NRXN1: variants seen among roughly 807,000 people sequenced by gnomAD.
NRXN1 encodes the protein neurexin-1.
NRXN1 carries 39 observed loss-of-function variants against 150.9 expected under a neutral mutation model. That is an observed-to-expected ratio of 0.26 (90% confidence interval 0.20 to 0.34). The LOEUF (loss-of-function observed/expected upper bound fraction) is 0.34. Among genes scored for constraint, NRXN1 ranks in the 10% least tolerant of loss-of-function variants. NRXN1 has a pLI of 1.00. For missense variants in NRXN1, 1,815 were observed against 1,949.9 expected, an observed-to-expected ratio of 0.93 and a Z score of 1.30; for synonymous variants, 924 against 757.0, an observed-to-expected ratio of 1.22 and a Z score of -3.62.
intron 5 of NRXN1, among the ~76,000 whole-genome samples, chr2:50,883,690 C>T (rs905870140): frequency 1.8e-4 from 27 of 151,660 alleles, no homozygotes; most frequent in African/African-American, 4.8e-4. Context: ...TTTGTATTTA[C>T]AAGTATGATT....
chr2:50,914,114 A>T (rs1357572303), intron 5 of NRXN1, among the ~76,000 whole-genome samples: 1 of 151,600 alleles, frequency 6.6e-6, no homozygotes, highest in Non-Finnish European at 1.5e-5. Flanking sequence ...AAGATTTCCT[A>T]CCATTGTAGT....
At chr2:50,995,453 A>G (rs1699127745) in intron 2 of NRXN1, among the ~76,000 whole-genome samples, 1 of 151,906 alleles carries the variant, frequency 6.6e-6, no homozygotes, top group Admixed American at 6.6e-5. Context: ...ACAAATACAA[A>G]AATTATCCTG....
At chr2:50,269,642 G>T (rs1450624568) in intron 17 of NRXN1, among the ~76,000 whole-genome samples, 1 of 152,082 alleles carries the variant, frequency 6.6e-6, no homozygotes, top group Non-Finnish European at 1.5e-5. Context: ...TTTTTAAAAA[G>T]AAAGACACTA....
At chr2:49,999,106 A>G (rs947721752) in intron 21 of NRXN1, among the ~76,000 whole-genome samples, 4 of 152,172 alleles carry the variant, frequency 2.6e-5, no homozygotes, top group Non-Finnish European at 5.9e-5. Context: ...TTGTGTTTCT[A>G]TCAGCAACCA....
intron 17 of NRXN1, among the ~76,000 whole-genome samples, chr2:50,445,543 C>T (rs1355992595): frequency 6.6e-6 from 1 of 152,172 alleles, no homozygotes; most frequent in Non-Finnish European, 1.5e-5. Context: ...TTGTGAACCA[C>T]TCACCTCAGC....
intron 18 of NRXN1, among the ~76,000 whole-genome samples, chr2:50,235,781 GGA>G (rs1447645550): frequency 6.6e-6 from 1 of 151,848 alleles, no homozygotes; most frequent in Non-Finnish European, 1.5e-5. Flanking sequence ...TTAATGCATG[GGA>G]AATAAACAGA....
chr2:50,053,473 T>G lies in NRXN1; in HGVS notation c.3926A>C (p.Asn1309Thr). Reference sequence around the variant, plus strand: ...GTTGGCATCGTTTTCGGCTGCCATATTCAGAACTTTCAAGCCATTGTAGTA... The same window carrying G: ...GTTGGCATCGTTTTCGGCTGCCATAGTCAGAACTTTCAAGCCATTGTAGTA... Reference protein sequence around the residue: ...GLYYNGLKVLNMAAENDANIA... With the variant: ...GLYYNGLKVLTMAAENDANIA... Residue 1309 changes from asparagine to threonine, a missense_variant, in exon 21 of 23, where the codon AAT becomes ACT. Around this residue, in one of 6 missense-constraint regions of NRXN1, gnomAD observed 265 missense variants for 307.1 expected, o/e 0.86. Coordinates refer to ENST00000401669, the MANE Select transcript of NRXN1 (RefSeq NM_001330078.2). 1 of 1,614,038 alleles carries G rather than the reference T, an allele frequency of 6.2e-7. No individual in the cohort carries two copies. The highest frequency in any genetic ancestry group is 8.5e-7 in the Non-Finnish European group (1 of 1,179,928).
intron 17 of NRXN1, among the ~76,000 whole-genome samples, chr2:50,355,252 T>A (rs951796415): frequency 7.1e-6 from 1 of 141,574 alleles, no homozygotes; most frequent in African/African-American, 2.7e-5. Flanking sequence ...ATTATATATA[T>A]ATACATATAT....
At chr2:50,682,152 T>A (rs944744369) in intron 5 of NRXN1, among the ~76,000 whole-genome samples, 4 of 152,194 alleles carry the variant, frequency 2.6e-5, no homozygotes, top group Admixed American at 2.6e-4. Context: ...CCTGGATTAA[T>A]TAATTTTCAT....
chr2:50,161,252 G>A (rs2059347793), intron 18 of NRXN1, among the ~76,000 whole-genome samples: 1 of 152,026 alleles, frequency 6.6e-6, no homozygotes, highest in Admixed American at 6.6e-5. Flanking sequence ...TTTCAAAATG[G>A]TCTTATAAAA....
intron 8 of NRXN1, among the ~76,000 whole-genome samples, chr2:50,573,399 G>A (rs1309249090): frequency 6.6e-6 from 1 of 151,812 alleles, no homozygotes; most frequent in East Asian, 1.9e-4. Flanking sequence ...CAAACACATG[G>A]ATCTCTGCCT....
At chr2:49,976,993 C>G (rs1679102895) in intron 21 of NRXN1, among the ~76,000 whole-genome samples, 2 of 152,142 alleles carry the variant, frequency 1.3e-5, no homozygotes, top group Admixed American at 1.3e-4. Flanking sequence ...AAAATAACAT[C>G]CATGTTTTTA....
chr2:50,179,141 A>G (rs2060537352), intron 18 of NRXN1, among the ~76,000 whole-genome samples: 1 of 152,138 alleles, frequency 6.6e-6, no homozygotes, highest in South Asian at 2.1e-4. Context: ...AGTAGGAAAC[A>G]TGTCCTAAGA....
intron 5 of NRXN1, among the ~76,000 whole-genome samples, chr2:50,813,282 T>G (rs1431382385): frequency 2.0e-5 from 3 of 152,192 alleles, no homozygotes; most frequent in Admixed American, 1.3e-4. Flanking sequence ...AATAAATATT[T>G]TTACCATTTT....
chr2:50,654,612 T>C (rs1343588242), intron 5 of NRXN1, among the ~76,000 whole-genome samples: 1 of 152,008 alleles, frequency 6.6e-6, no homozygotes, highest in Admixed American at 6.6e-5. Context: ...CACACTGACT[T>C]CCACAATGGT....
At chr2:50,778,219 G>A (rs556998147) in intron 5 of NRXN1, among the ~76,000 whole-genome samples, 6 of 152,136 alleles carry the variant, frequency 3.9e-5, no homozygotes, top group African/African-American at 1.2e-4. Context: ...CATTACAGGT[G>A]TGTCTGCCTT....
At chr2:49,936,290 T>A (rs1010160275) in intron 22 of NRXN1, among the ~76,000 whole-genome samples, 1 of 152,192 alleles carries the variant, frequency 6.6e-6, no homozygotes, top group Non-Finnish European at 1.5e-5. Flanking sequence ...CTAAAGAGAC[T>A]GTGCTGATTT....
Position 50,477,714 on chromosome 2 carries a change from T to C in NRXN1, c.3071-5243A>G, listed in dbSNP as rs574789164. ...ATACAGAAAAAGGACAATTGCCTTA[T>C]AGATTTGAATAGCTAAAACTCCAGG... is the stretch of plus-strand genomic sequence containing the variant. On this transcript the variant is annotated intron_variant, in intron 15 of 22. Coordinates refer to ENST00000401669, the MANE Select transcript of NRXN1 (RefSeq NM_001330078.2). Among the ~76,000 whole-genome samples the C allele has an allele frequency of 7.2e-5, 11 of 152,342 alleles. No individual in the cohort carries two copies. The East Asian group carries it at 1.7e-3, about 24-fold the overall frequency.
intron 18 of NRXN1, among the ~76,000 whole-genome samples, chr2:50,231,298 T>A (rs2064917160): frequency 6.6e-6 from 1 of 152,114 alleles, no homozygotes; most frequent in Admixed American, 6.6e-5. Context: ...GTATAATTAC[T>A]GACTTTAAAA....
Sources: allele counts gnomAD v4.1 joint callset (sites outside exome capture counted in the v4.1 genomes callset), GRCh38; gene constraint gnomAD v4.1.1; regional missense constraint gnomAD v4.1.1; transcripts MANE v1.5; gene names NCBI Gene and HGNC (gene_info 2026-07-23, HGNC 2026-07-21).